Variants in OBI1 observed in about 807,000 individuals in gnomAD.
The protein encoded by OBI1 is ORC ubiquitin ligase 1.
In OBI1, 59 loss-of-function variants were observed where a neutral mutation model predicts 62.4. The ratio of observed to expected loss-of-function variants is 0.95; its 90% CI spans 0.77 to 1.17. The LOEUF is 1.17. Ranked by LOEUF, OBI1 falls within the 50% of genes most tolerant of loss-of-function variation. OBI1 has a pLI of 0.00. For synonymous variants in OBI1, 302 were observed against 292.8 expected (o/e 1.03, Z -0.32); for missense variants, 875 against 830.9 (o/e 1.05, Z -0.65).
chr13:78,641,078 T>C (rs971826478), intron 3 of OBI1, among the ~76,000 whole-genome samples: 1 of 152,228 alleles, frequency 6.6e-6, no homozygotes, highest in Non-Finnish European at 1.5e-5. Context: ...TTTATTCATC[T>C]ATAATAAATA....
At chr13:78,641,533 G>A (rs751601821) in intron 3 of OBI1, among the ~76,000 whole-genome samples, 14 of 152,082 alleles carry the variant, frequency 9.2e-5, no homozygotes, top group Non-Finnish European at 1.3e-4. Flanking sequence ...TATTCTATTA[G>A]CATGAATTTA....
At chr13:78,648,837 C>T (rs1040352796) in intron 1 of OBI1, among the ~76,000 whole-genome samples, 2 of 150,684 alleles carry the variant, frequency 1.3e-5, no homozygotes, top group Non-Finnish European at 2.9e-5. Flanking sequence ...CACTTGAACC[C>T]GGGAGGCAGA....
chr13:78,631,146 T>C (rs1875835250), intron 5 of OBI1, among the ~76,000 whole-genome samples: 1 of 152,154 alleles, frequency 6.6e-6, no homozygotes, highest in South Asian at 2.1e-4. Flanking sequence ...GTTTCCTCAG[T>C]CATAGGAGTT....
intron 1 of OBI1, among the ~76,000 whole-genome samples, chr13:78,648,437 A>G (rs1345116718): frequency 6.6e-6 from 1 of 152,046 alleles, no homozygotes; most frequent in East Asian, 1.9e-4. Context: ...TAAGTTATAA[A>G]CTCATCTGAA....
In OBI1 at chr13:78,659,144, C is replaced by G; in HGVS notation, c.-24G>C. 1.2e-6 allele frequency: 2 copies of G among 1,606,070 alleles called. No individual in the cohort carries two copies. The highest frequency in any genetic ancestry group is 2.2e-5 in the South Asian group (2 of 89,998). ...ATGGCAGCGTTCAGAATCCCGCCAA[C>G]ACGGAAGTCCCGCCGACCTACCGCT... On this transcript the variant is annotated 5_prime_UTR_variant, in exon 1 of 6. Coordinates refer to ENST00000282003, the MANE Select transcript of OBI1 (RefSeq NM_024546.4).
At chr13:78,618,669 C>T (rs1444769277) in intron 5 of OBI1, among the ~76,000 whole-genome samples, 1 of 152,038 alleles carries the variant, frequency 6.6e-6, no homozygotes, top group Non-Finnish European at 1.5e-5. Context: ...TTAACTGAAC[C>T]CCCAGAGAGA....
At chr13:78,637,960 A>C (rs184896962) in intron 4 of OBI1, among the ~76,000 whole-genome samples, 1 of 152,342 alleles carries the variant, frequency 6.6e-6, no homozygotes, top group East Asian at 1.9e-4. Flanking sequence ...TATGGAGCTC[A>C]TTAATAATTT....
intron 5 of OBI1, 121 bp from the exon 6 acceptor site, chr13:78,617,243 A>T (rs1301301414): frequency 1.5e-6 from 1 of 687,162 alleles, no homozygotes; most frequent in Admixed American, 3.5e-5. Flanking sequence ...CAGACCACTC[A>T]ATGAGTAGGG....
intron 2 of OBI1, among the ~76,000 whole-genome samples, chr13:78,642,748 G>T (rs1260696481): frequency 6.6e-6 from 1 of 152,132 alleles, no homozygotes; most frequent in Admixed American, 6.5e-5. Flanking sequence ...TTAGCCGGGC[G>T]TGGTGGCTGG....
chr13:78,649,258 G>A (rs1279680203), intron 1 of OBI1, among the ~76,000 whole-genome samples: 3 of 152,206 alleles, frequency 2.0e-5, no homozygotes, highest in Non-Finnish European at 4.4e-5. Context: ...ACTCCAGCAA[G>A]CAAAGGAAGA....
intron 3 of OBI1, among the ~76,000 whole-genome samples, chr13:78,641,833 TAA>T (rs541000531): frequency 1.7e-4 from 23 of 132,152 alleles, no homozygotes; most frequent in Non-Finnish European, 1.8e-4. Context: ...AATTTTAACT[TAA>T]AAAAAAAAAA....
At chr13:78,624,501 C>A (rs1312330056) in intron 5 of OBI1, among the ~76,000 whole-genome samples, 4 of 152,024 alleles carry the variant, frequency 2.6e-5, no homozygotes, top group Admixed American at 2.6e-4. Flanking sequence ...ATCCTGTCAC[C>A]CAGACTGGAG....
rs1349586230 is a variant in OBI1, at chr13:78,614,340, T to A, written c.*1240A>T. The A allele has an allele frequency of 1.3e-5, 2 of 152,682 alleles. No homozygotes were observed. The highest frequency in any genetic ancestry group is 4.1e-4 in the South Asian group (2 of 4,830). 9.5% of individuals were successfully genotyped at this position (152,682 alleles called of 1,614,324 possible). Reference sequence around the variant, plus strand: ...AATTCACATAGAAAAGCATGCAGTATTAATGTAAAACAGTACAATATTAAT... The same window carrying A: ...AATTCACATAGAAAAGCATGCAGTAATAATGTAAAACAGTACAATATTAAT... On this transcript the variant is annotated 3_prime_UTR_variant, in exon 6 of 6. Coordinates refer to ENST00000282003, the MANE Select transcript of OBI1 (RefSeq NM_024546.4).
At chr13:78,630,240 G>A (rs1875803421) in intron 5 of OBI1, among the ~76,000 whole-genome samples, 1 of 152,016 alleles carries the variant, frequency 6.6e-6, no homozygotes, top group South Asian at 2.1e-4. Context: ...TACTTTTCTG[G>A]AAGCAGGGAC....
intron 2 of OBI1, among the ~76,000 whole-genome samples, chr13:78,642,584 T>G (rs1876251650): frequency 6.6e-6 from 1 of 152,274 alleles, no homozygotes; most frequent in African/African-American, 2.4e-5. Context: ...ACCAAGAGAT[T>G]ATATAAAAAT....
chr13:78,641,094 C>G (rs186670575), intron 3 of OBI1, among the ~76,000 whole-genome samples: 2 of 152,132 alleles, frequency 1.3e-5, no homozygotes, highest in East Asian at 3.9e-4. Context: ...AAATATGTCA[C>G]CTTAAATTGA....
intron 1 of OBI1, among the ~76,000 whole-genome samples, chr13:78,658,307 T>C (rs1876769538): frequency 1.3e-5 from 2 of 152,134 alleles, no homozygotes; most frequent in South Asian, 2.1e-4. Flanking sequence ...CAAATGGAAA[T>C]GAAAGAGGAG....
chr13:78,621,174 GT>G (rs1875500496), intron 5 of OBI1, among the ~76,000 whole-genome samples: 1 of 152,176 alleles, frequency 6.6e-6, no homozygotes, highest in African/African-American at 2.4e-5. Context: ...GGTTTTCAGT[GT>G]TGATATCCTT....
At chr13:78,642,759 C>T (rs1429638676) in intron 2 of OBI1, among the ~76,000 whole-genome samples, 1 of 152,026 alleles carries the variant, frequency 6.6e-6, no homozygotes, top group Admixed American at 6.6e-5. Context: ...TGGTGGCTGG[C>T]GCCTGTAGTC....
Sources: gnomAD v4.1 joint callset for allele counts (sites outside exome capture counted in the v4.1 genomes callset) on GRCh38, gnomAD v4.1.1 for gene constraint, MANE v1.5 for transcripts, NCBI Gene and HGNC (gene_info 2026-07-23, HGNC 2026-07-21) for gene names.